ZDHHC17: variants seen among roughly 807,000 people sequenced by gnomAD.
ZDHHC17 encodes zDHHC palmitoyltransferase 17.
Under a neutral mutation model 90.3 loss-of-function variants are expected in ZDHHC17, and 40 were observed. That is an observed-to-expected ratio of 0.44 (90% CI 0.34 to 0.58). The LOEUF is 0.58. Ranked by LOEUF, ZDHHC17 falls within the 20% of genes least tolerant of loss-of-function variation. ZDHHC17 has a pLI of 0.01. For missense variants in ZDHHC17, 614 were observed against 780.8 expected, an observed-to-expected ratio of 0.79 and a Z score of 2.55; for synonymous variants, 235 against 252.4, an observed-to-expected ratio of 0.93 and a Z score of 0.65.
chr12:76,846,977 G>A (rs1249807557), intron 14 of ZDHHC17, among the ~76,000 whole-genome samples: 1 of 152,180 alleles, frequency 6.6e-6, no homozygotes, highest in Non-Finnish European at 1.5e-5. Context: ...TCCACATCAT[G>A]TGCTTGCTTT....
intron 8 of ZDHHC17, among the ~76,000 whole-genome samples, chr12:76,825,930 T>G (rs1045167041): frequency 2.0e-5 from 3 of 152,064 alleles, no homozygotes; most frequent in Admixed American, 1.3e-4. Flanking sequence ...TCCTCCCACC[T>G]CAGGCTCCCG....
intron 1 of ZDHHC17, among the ~76,000 whole-genome samples, chr12:76,782,567 G>C (rs1952639279): frequency 2.0e-5 from 3 of 152,088 alleles, no homozygotes; most frequent in African/African-American, 7.2e-5. Flanking sequence ...GAAACTTAAA[G>C]AAAGTTGCCT....
intron 10 of ZDHHC17, among the ~76,000 whole-genome samples, chr12:76,829,214 T>G (rs1400427279): frequency 6.6e-6 from 1 of 151,966 alleles, no homozygotes; most frequent in Non-Finnish European, 1.5e-5. Flanking sequence ...ATTTCAGCAC[T>G]TTGGGAGGTC....
chr12:76,839,709 T>C (rs908624905), intron 10 of ZDHHC17, among the ~76,000 whole-genome samples: 1 of 152,192 alleles, frequency 6.6e-6, no homozygotes, highest in Non-Finnish European at 1.5e-5. Flanking sequence ...AAAGCAAAAA[T>C]GTAAATTAAA....
At chr12:76,815,833 G>GTTTTTTTTTTTTTTT in intron 6 of ZDHHC17, 24 bp from the exon 7 acceptor site, 1 of 1,141,506 alleles carries the variant, frequency 8.8e-7, no homozygotes, top group Non-Finnish European at 1.2e-6. Context: ...GTTGTTGTTT[G>GTTTTTTTTTTTTTTT]TTTTTTTTTT....
intron 3 of ZDHHC17, among the ~76,000 whole-genome samples, chr12:76,807,073 T>G (rs1952963994): frequency 6.6e-6 from 1 of 152,196 alleles, no homozygotes; most frequent in Non-Finnish European, 1.5e-5. Context: ...AGTCAGAAAT[T>G]GCCATCATAT....
chr12:76,790,532 C>T (rs1326546186), intron 1 of ZDHHC17, among the ~76,000 whole-genome samples: 2 of 152,046 alleles, frequency 1.3e-5, no homozygotes, highest in Non-Finnish European at 2.9e-5. Flanking sequence ...CATCAAATGT[C>T]TGTGGAAAGA....
At chr12:76,781,955 C>T (rs756397916) in intron 1 of ZDHHC17, among the ~76,000 whole-genome samples, 2 of 152,140 alleles carry the variant, frequency 1.3e-5, no homozygotes, top group Non-Finnish European at 2.9e-5. Flanking sequence ...TTTTTCTTGT[C>T]ACCTTAGCGT....
In ZDHHC17 at chr12:76,788,688, A is replaced by ATTTTTTTTTTTTTT. The variant is rs763269507; in HGVS notation, c.94-8733_94-8720dup. Among the ~76,000 whole-genome samples, 486 of 98,656 alleles carry ATTTTTTTTTTTTTT rather than the reference A, an allele frequency of 4.9e-3. 10 individuals are homozygous for ATTTTTTTTTTTTTT. Among genetic ancestry groups the ATTTTTTTTTTTTTT allele is most frequent in the South Asian group, 7.6e-3 (22 of 2,908 alleles). The allele number at this position is 98,656 out of a possible 152,430, so 64.7% of individuals were successfully genotyped here. On this transcript the variant is annotated intron_variant, in intron 1 of 16. Coordinates refer to ENST00000426126, the MANE Select transcript of ZDHHC17 (RefSeq NM_015336.4). ...AAAATATATTTAAGTTGGAATCGCA[A>ATTTTTTTTTTTTTT]TTTTTTTTTTTTTTTTTTTTTTTTT...
At chr12:76,778,410 G>A (rs1041393321) in intron 1 of ZDHHC17, among the ~76,000 whole-genome samples, 1 of 152,032 alleles carries the variant, frequency 6.6e-6, no homozygotes, top group African/African-American at 2.4e-5. Context: ...TAGTAGAGAC[G>A]GGGTTTCACT....
Position 76,842,119 on chromosome 12 carries a change from C to A in ZDHHC17, c.1266+13C>A. On this transcript the variant is annotated intron_variant, in intron 11 of 16. Coordinates refer to ENST00000426126, the MANE Select transcript of ZDHHC17 (RefSeq NM_015336.4). ...GCAAAAGAAAAAGGTAGCAAAATAC[C>A]AACTAAGTCACTTGTATTTAACTGC... The A allele has an allele frequency of 1.3e-6, 2 of 1,544,550 alleles. No individual in the cohort carries two copies. Among genetic ancestry groups the A allele is most frequent in the Non-Finnish European group, 8.7e-7 (1 of 1,148,178 alleles).
In ZDHHC17 at chr12:76,842,988, T is replaced by C. The variant is rs753734078; in HGVS notation, c.1329+7T>C. The stretch of plus-strand genomic sequence containing the variant: ...ATTCTGCAGTACCTGTTTGGTAGTA[T>C]TTTCTTCTTTGTTCTTCCCTCCCTT... On this transcript the variant is annotated splice_region_variant and intron_variant, in intron 12 of 16. Coordinates refer to ENST00000426126, the MANE Select transcript of ZDHHC17 (RefSeq NM_015336.4). 3 of 1,607,150 alleles carry C rather than the reference T, an allele frequency of 1.9e-6. No individual in the cohort carries two copies. Among genetic ancestry groups the C allele is most frequent in the Non-Finnish European group, 2.6e-6 (3 of 1,175,784 alleles).
At chr12:76,772,991 C>T (rs1178835894) in intron 1 of ZDHHC17, among the ~76,000 whole-genome samples, 1 of 150,508 alleles carries the variant, frequency 6.6e-6, no homozygotes, top group Non-Finnish European at 1.5e-5. Context: ...CTCCCGAGTA[C>T]CTCTACAAGC....
chr12:76,845,908 T>G, intron 13 of ZDHHC17, 106 bp downstream of exon 13: 1 of 538,536 alleles, frequency 1.9e-6, no homozygotes, highest in Non-Finnish European at 3.2e-6. Flanking sequence ...TACTCCACGC[T>G]TCATTTTCTC....
chr12:76,804,451 T>G (rs1311701564), intron 2 of ZDHHC17, among the ~76,000 whole-genome samples: 2 of 152,072 alleles, frequency 1.3e-5, no homozygotes, highest in African/African-American at 4.8e-5. Context: ...AGAAGGGAAT[T>G]TGTGAGAAAA....
intron 10 of ZDHHC17, among the ~76,000 whole-genome samples, chr12:76,835,339 C>T (rs1221331477): frequency 6.6e-6 from 1 of 152,138 alleles, no homozygotes; most frequent in African/African-American, 2.4e-5. Flanking sequence ...GCATGAGCTA[C>T]CATGTCCAGC....
chr12:76,828,984 A>G (rs894449258), intron 10 of ZDHHC17, among the ~76,000 whole-genome samples: 44 of 152,320 alleles, frequency 2.9e-4, no homozygotes, highest in African/African-American at 1.0e-3. Context: ...GTTGGACATC[A>G]CTAATCATCA....
At chr12:76,838,553 G>A (rs1378992202) in intron 10 of ZDHHC17, among the ~76,000 whole-genome samples, 3 of 152,154 alleles carry the variant, frequency 2.0e-5, no homozygotes, top group African/African-American at 7.2e-5. Context: ...GAGCTCAATT[G>A]TAAATTCTTG....
At chr12:76,831,851 G>T (rs1953305518) in intron 10 of ZDHHC17, among the ~76,000 whole-genome samples, 1 of 152,096 alleles carries the variant, frequency 6.6e-6, no homozygotes, top group Non-Finnish European at 1.5e-5. Context: ...TTGCCATGTT[G>T]CCCAGGCTAG....
Sources: gnomAD v4.1 joint callset for allele counts (sites outside exome capture counted in the v4.1 genomes callset) on GRCh38, gnomAD v4.1.1 for gene constraint, MANE v1.5 for transcripts, NCBI Gene and HGNC (gene_info 2026-07-23, HGNC 2026-07-21) for gene names.